Variants in BCL9 observed in about 807,000 individuals in gnomAD.
BCL9 encodes B-cell CLL/lymphoma 9 protein.
A neutral mutation model predicts 88.5 loss-of-function variants in BCL9; 25 were observed. The observed-to-expected ratio is 0.28, with a 90% CI of 0.21 to 0.39. BCL9 has a LOEUF of 0.39. Among genes scored for constraint, BCL9 ranks in the 10% least tolerant of loss-of-function variants. The pLI, the probability that BCL9 is intolerant of heterozygous loss-of-function variation, is 1.00. For synonymous variants in BCL9, 711 were observed against 673.3 expected (o/e 1.06, Z -0.87); for missense variants, 1,817 against 1,877.8 (o/e 0.97, Z 0.60).
chr1:147,562,564 A>G (rs868915405), intron 1 of BCL9, among the ~76,000 whole-genome samples: 2 of 152,172 alleles, frequency 1.3e-5, no homozygotes, highest in African/African-American at 2.4e-5. Context: ...GGGAGAAATG[A>G]TAAGGACTTG....
chr1:147,625,098 G>A lies in BCL9; in HGVS notation c.*139G>A. Reference sequence around the variant, plus strand: ...ACCCGAGGGCTGCTTTGGGGGAGGGGGGAACTCGAGAATGTATGGATTTAC... The same window carrying A: ...ACCCGAGGGCTGCTTTGGGGGAGGGAGGAACTCGAGAATGTATGGATTTAC... On this transcript the variant is annotated 3_prime_UTR_variant, in exon 10 of 10. Transcript: ENST00000234739. 9.8e-7 allele frequency: 1 copy of A among 1,015,512 alleles called. No homozygotes were observed. The highest frequency in any genetic ancestry group is 3.1e-5 in the Admixed American group (1 of 32,616). The allele number at this position is 1,015,512 out of a possible 1,614,324, so 62.9% of individuals were successfully genotyped here.
intron 1 of BCL9, among the ~76,000 whole-genome samples, chr1:147,560,348 G>T (rs1553195950): frequency 6.6e-6 from 1 of 152,078 alleles, no homozygotes; most frequent in Non-Finnish European, 1.5e-5. Flanking sequence ...CCAGCACTTT[G>T]GGAGGATGAG....
At position 147,541,537 on chromosome 1, in the gene BCL9, C is replaced by T. The variant is rs781961620; in HGVS notation, c.-615C>T. 1.1e-4 allele frequency: 16 copies of T among 152,106 alleles called. No homozygotes were observed. Among genetic ancestry groups the T allele is most frequent in the Non-Finnish European group, 1.9e-4 (13 of 68,072 alleles). The allele number at this position is 152,106 out of a possible 1,614,324, so 9.4% of individuals were successfully genotyped here. A position where few individuals can be genotyped will look rare whatever the true frequency, so the allele number is the denominator to read the frequency against. On this transcript the variant is annotated 5_prime_UTR_variant, in exon 1 of 10. Transcript: ENST00000234739. ...GACAATAGGCCCCTAAAGTGTTCCC[C>T]CTAAGTTGCTTTGATGTTGTCCTGG...
Position 147,619,607 on chromosome 1 carries a change from G to A in BCL9, c.1452G>A (p.Arg484=), listed in dbSNP as rs1553204678. The change falls in exon 8 of 10, where the codon AGG becomes AGA. Residue 484 remains arginine (R), a synonymous_variant. Coordinates refer to ENST00000234739, the MANE Select transcript of BCL9 (RefSeq NM_004326.4). This position sits in a 1 kb window ranked among gnomAD's most constrained non-coding sequence, Gnocchi z 4.1. The stretch of plus-strand genomic sequence containing the variant: ...AGCAGGAGTTTTATGAAGAGAAGAG[G>A]AGGAAGCAGGAACAAGTGGTTGTCC... ...KLQQEFYEEK[R]RKQEQVVVQQ... The A allele has an allele frequency of 1.9e-5, 30 of 1,614,114 alleles. No individual in the cohort carries two copies. Among genetic ancestry groups the A allele is most frequent in the Admixed American group, 3.3e-5 (2 of 60,030 alleles).
intron 8 of BCL9, 64 bp downstream of exon 8, chr1:147,621,121 C>G (rs1658616632): frequency 6.8e-7 from 1 of 1,480,114 alleles, no homozygotes; most frequent in South Asian, 1.3e-5. Context: ...CTGATAGTTA[C>G]TTTAAGAAAA....
intron 1 of BCL9, among the ~76,000 whole-genome samples, chr1:147,557,520 A>T (rs1456807479): frequency 1.3e-5 from 2 of 152,178 alleles, no homozygotes; most frequent in African/African-American, 4.8e-5. Context: ...TTTGGAAGAT[A>T]AGGGTAGAGG....
intron 1 of BCL9, among the ~76,000 whole-genome samples, chr1:147,565,399 A>G (rs1655556102): frequency 6.6e-6 from 1 of 152,246 alleles, no homozygotes; most frequent in African/African-American, 2.4e-5. Context: ...AATACCTTCC[A>G]TCTCAGAAGA....
chr1:147,570,593 T>C (rs1163379411), intron 1 of BCL9, among the ~76,000 whole-genome samples: 2 of 151,732 alleles, frequency 1.3e-5, no homozygotes, highest in African/African-American at 4.8e-5. Flanking sequence ...TGCCCCCCAT[T>C]CCCACTCTTC....
intron 8 of BCL9, 111 bp from the exon 9 acceptor site, chr1:147,622,160 C>A: frequency 7.1e-7 from 1 of 1,403,278 alleles, no homozygotes; most frequent in Non-Finnish European, 9.8e-7. Context: ...ATAACACTGT[C>A]CTGTTCATCT....
chr1:147,581,250 A>G (rs1481631507), intron 1 of BCL9, among the ~76,000 whole-genome samples: 1 of 152,220 alleles, frequency 6.6e-6, no homozygotes, highest in Non-Finnish European at 1.5e-5. Flanking sequence ...ATGTAAAGAC[A>G]TGGCATATCA....
intron 1 of BCL9, among the ~76,000 whole-genome samples, chr1:147,575,938 G>A (rs184491327): frequency 4.7e-4 from 72 of 152,162 alleles, no homozygotes; most frequent in Non-Finnish European, 9.9e-4. Context: ...ATTCCCAGCT[G>A]TGGTTTTGGC....
intron 7 of BCL9, among the ~76,000 whole-genome samples, chr1:147,616,328 C>T (rs1658283627): frequency 6.6e-6 from 1 of 152,182 alleles, no homozygotes; most frequent in Non-Finnish European, 1.5e-5. Context: ...TAATCAGAGC[C>T]TCATCGACTT....
At chr1:147,614,733 T>C in intron 6 of BCL9, 117 bp downstream of exon 6, 2 of 1,166,444 alleles carry the variant, frequency 1.7e-6, no homozygotes, top group Admixed American at 6.7e-5. Context: ...AGATAAAACA[T>C]AAAACCTCCC....
At chr1:147,607,359 A>G (rs2101601271) in intron 3 of BCL9, among the ~76,000 whole-genome samples, 1 of 152,294 alleles carries the variant, frequency 6.6e-6, no homozygotes, top group South Asian at 2.1e-4. Flanking sequence ...AAATTTTTTA[A>G]AGCAAATACT....
intron 1 of BCL9, among the ~76,000 whole-genome samples, chr1:147,588,566 G>A (rs1656718229): frequency 6.6e-6 from 1 of 152,126 alleles, no homozygotes; most frequent in South Asian, 2.1e-4. Context: ...TAGCCTGGGA[G>A]CACCCCCTCC....
At chr1:147,586,738 T>C (rs950371479) in intron 1 of BCL9, among the ~76,000 whole-genome samples, 1 of 152,168 alleles carries the variant, frequency 6.6e-6, no homozygotes, top group Non-Finnish European at 1.5e-5. Flanking sequence ...GCTGTTCTTT[T>C]ACCCTGAAAC....
intron 1 of BCL9, among the ~76,000 whole-genome samples, chr1:147,598,029 G>C (rs1391155337): frequency 6.6e-6 from 1 of 152,200 alleles, no homozygotes; most frequent in Non-Finnish European, 1.5e-5. Context: ...CCAGGCCAGA[G>C]CTTATTTTGG....
rs782670882 is a variant in BCL9 at position 147,612,888 on chromosome 1, C to T, written c.59C>T (p.Pro20Leu). Residue 20 changes from proline to leucine, a missense_variant, in exon 5 of 10, where the codon CCT becomes CTT. Physicochemically the swap from Pro to Leu is moderately conservative, Grantham distance 98 (BLOSUM62 -3). Coordinates refer to ENST00000234739, the MANE Select transcript of BCL9 (RefSeq NM_004326.4). ...TTGTTATTTGTTTCTTTTAGTAGCCCTAAGTCAAAGCAGGAGGTGATGGTC... is the reference window on the plus strand; with the variant it reads ...TTGTTATTTGTTTCTTTTAGTAGCCTTAAGTCAAAGCAGGAGGTGATGGTC... ...SSPSGNTQSS[P>L]KSKQEVMVRP... The T allele has an allele frequency of 1.4e-5, 22 of 1,613,628 alleles. No individual in the cohort carries two copies. The highest frequency in any genetic ancestry group is 1.8e-5 in the Non-Finnish European group (21 of 1,179,778).
intron 1 of BCL9, among the ~76,000 whole-genome samples, chr1:147,545,332 C>T (rs1046283113): frequency 2.0e-5 from 3 of 151,918 alleles, no homozygotes; most frequent in Non-Finnish European, 2.9e-5. Context: ...ACATACTCTC[C>T]CCCACCCCAA....
Sources: gnomAD v4.1 joint callset for allele counts (sites outside exome capture counted in the v4.1 genomes callset) on GRCh38, gnomAD v4.1.1 for gene constraint, Gnocchi (gnomAD v3.1) non-coding constraint, MANE v1.5 for transcripts, NCBI Gene and HGNC (gene_info 2026-07-23, HGNC 2026-07-21) for gene names.